MPDZ: variants seen among roughly 807,000 people sequenced by gnomAD.
MPDZ encodes multiple PDZ domain crumbs cell polarity complex component.
A neutral mutation model predicts 239.1 loss-of-function variants in MPDZ; 234 were observed. The ratio of observed to expected loss-of-function variants is 0.98; its 90% CI spans 0.88 to 1.09. The LOEUF (loss-of-function observed/expected upper bound fraction) is 1.09. Among genes scored for constraint, MPDZ ranks in the 50% least tolerant of loss-of-function variants. MPDZ has a pLI of 0.00. For synonymous variants in MPDZ, 1,048 were observed against 881.3 expected (o/e 1.19, Z -3.35); for missense variants, 3,175 against 2,510.0 (o/e 1.26, Z -5.66).
intron 24 of MPDZ, among the ~76,000 whole-genome samples, 170 bp downstream of exon 24, chr9:13,157,836 AACCCTGTGTGAT>A (rs768661826): frequency 2.8e-4 from 42 of 152,176 alleles, no homozygotes; most frequent in Non-Finnish European, 5.1e-4. Flanking sequence ...TGTTAGTTTT[AACCCTGTGTGAT>A]ACACATTATT....
intron 12 of MPDZ, among the ~76,000 whole-genome samples, chr9:13,201,062 T>A (rs560140090): frequency 2.0e-5 from 3 of 152,106 alleles, no homozygotes; most frequent in Non-Finnish European, 4.4e-5. Flanking sequence ...TCAGGTTTAT[T>A]TTTTTTAATA....
At chr9:13,157,391 T>C (rs1161105885) in intron 24 of MPDZ, among the ~76,000 whole-genome samples, 2 of 152,218 alleles carry the variant, frequency 1.3e-5, no homozygotes, top group Non-Finnish European at 2.9e-5. Flanking sequence ...TTCCTTGTTA[T>C]TCACAAAATC....
intron 3 of MPDZ, among the ~76,000 whole-genome samples, chr9:13,238,312 A>T (rs975325010): frequency 3.3e-5 from 5 of 152,316 alleles, no homozygotes; most frequent in African/African-American, 1.2e-4. Flanking sequence ...CCAAGTGGAA[A>T]GTCCACTTAC....
At chr9:13,273,357 C>T (rs914864407) in intron 1 of MPDZ, among the ~76,000 whole-genome samples, 4 of 152,080 alleles carry the variant, frequency 2.6e-5, no homozygotes, top group African/African-American at 2.4e-5. Context: ...GGTTTTGTTA[C>T]GTTAGTGATA....
intron 1 of MPDZ, among the ~76,000 whole-genome samples, chr9:13,278,378 CA>C (rs1337705610): frequency 6.6e-6 from 1 of 152,112 alleles, no homozygotes; most frequent in East Asian, 1.9e-4. Flanking sequence ...CAGGGGCCCC[CA>C]CTCGCCCCCA....
chr9:13,270,904 C>T (rs183811146), intron 1 of MPDZ, among the ~76,000 whole-genome samples: 17 of 152,250 alleles, frequency 1.1e-4, no homozygotes, highest in African/African-American at 3.9e-4. Context: ...CTGTCATATA[C>T]ATTTGTCACA....
chr9:13,147,947 T>A (rs949640418), intron 25 of MPDZ, among the ~76,000 whole-genome samples: 11 of 151,964 alleles, frequency 7.2e-5, no homozygotes, highest in African/African-American at 2.7e-4. Flanking sequence ...CTCCTTTAAA[T>A]TAAAAAAATC....
In MPDZ at chr9:13,224,389, G is replaced by A. The variant is rs1214191878; in HGVS notation, c.378C>T (p.Ile126=). The change falls in exon 4 of 47, where the codon ATC becomes ATT. Residue 126 remains isoleucine, a synonymous_variant. Coordinates refer to ENST00000319217, the MANE Select transcript of MPDZ (RefSeq NM_001378778.1). The part of the protein sequence containing the change: ...KPACDEFDQL[I]KNMAQGRHVE... Reference sequence around the variant, plus strand: ...ATGTTCTTACCTGGGCCATATTTTTGATAAGCTGATCAAATTCATCACAAG... The same window carrying A: ...ATGTTCTTACCTGGGCCATATTTTTAATAAGCTGATCAAATTCATCACAAG... The A allele has an allele frequency of 6.2e-7, 1 of 1,611,616 alleles. No homozygotes were observed. The highest frequency in any genetic ancestry group is 1.7e-5 in the Admixed American group (1 of 59,738).
chr9:13,129,548 T>C (rs1945637982), intron 32 of MPDZ, among the ~76,000 whole-genome samples: 1 of 151,952 alleles, frequency 6.6e-6, no homozygotes, highest in Non-Finnish European at 1.5e-5. Context: ...GATAACAGCA[T>C]ATGAATGTGC....
At chr9:13,228,760 T>C (rs545236123) in intron 3 of MPDZ, among the ~76,000 whole-genome samples, 2 of 152,316 alleles carry the variant, frequency 1.3e-5, no homozygotes, top group South Asian at 4.1e-4. Flanking sequence ...TCACCAATAA[T>C]TGTTTTATCA....
chr9:13,128,915 GA>G (rs34741075), intron 32 of MPDZ, among the ~76,000 whole-genome samples: 3 of 152,158 alleles, frequency 2.0e-5, no homozygotes, highest in Non-Finnish European at 4.4e-5. Context: ...CACAGACAGG[GA>G]AAAAAACGGG....
intron 18 of MPDZ, among the ~76,000 whole-genome samples, 175 bp downstream of exon 18, chr9:13,186,095 A>T: frequency 6.6e-6 from 1 of 152,208 alleles, no homozygotes; most frequent in East Asian, 1.9e-4. Flanking sequence ...TTTCATATTT[A>T]TTATGGTTTT....
intron 22 of MPDZ, chr9:13,165,216 T>C: frequency 1.3e-6 from 1 of 748,658 alleles, no homozygotes; most frequent in Non-Finnish European, 2.1e-6. Context: ...TTTTATGTTC[T>C]TACTTAAACA....
At chr9:13,116,298 T>C (rs566616854) in intron 39 of MPDZ, among the ~76,000 whole-genome samples, 2 of 152,340 alleles carry the variant, frequency 1.3e-5, no homozygotes, top group Admixed American at 6.5e-5. Context: ...GTGACTGTAA[T>C]GGATGTTTAA....
At chr9:13,220,959 C>T (rs1351437519) in intron 7 of MPDZ, among the ~76,000 whole-genome samples, 1 of 151,960 alleles carries the variant, frequency 6.6e-6, no homozygotes, top group Admixed American at 6.6e-5. Flanking sequence ...TGACCCATCA[C>T]TAAAGGAACA....
intron 1 of MPDZ, among the ~76,000 whole-genome samples, chr9:13,257,964 T>C (rs1160635885): frequency 1.3e-5 from 2 of 152,196 alleles, no homozygotes; most frequent in Non-Finnish European, 2.9e-5. Context: ...AAAATCATTT[T>C]AGCTTTCACG....
At chr9:13,165,330 C>CA in intron 22 of MPDZ, 1 of 1,544,138 alleles carries the variant, frequency 6.5e-7, no homozygotes, top group Non-Finnish European at 8.7e-7. Flanking sequence ...AGTTGTAACA[C>CA]ACAGCCATAA....
chr9:13,180,777 T>C (rs571572597), intron 19 of MPDZ, among the ~76,000 whole-genome samples: 2 of 152,288 alleles, frequency 1.3e-5, no homozygotes, highest in South Asian at 2.1e-4. Flanking sequence ...CCAAATGCCA[T>C]AGAGGCGGGT....
chr9:13,142,588 CT>C (rs1351908360), intron 27 of MPDZ, among the ~76,000 whole-genome samples: 1 of 152,098 alleles, frequency 6.6e-6, no homozygotes, highest in Non-Finnish European at 1.5e-5. Context: ...ATAAAGCACA[CT>C]GTAACACACC....
Sources: gnomAD v4.1 joint callset for allele counts (sites outside exome capture counted in the v4.1 genomes callset) on GRCh38, gnomAD v4.1.1 for gene constraint, MANE v1.5 for transcripts, NCBI Gene and HGNC (gene_info 2026-07-23, HGNC 2026-07-21) for gene names.